DCC: variants seen among roughly 807,000 people sequenced by gnomAD.
DCC encodes DCC netrin 1 receptor, also known as netrin receptor DCC.
Under a neutral mutation model 172.5 loss-of-function variants are expected in DCC, and 58 were observed. The observed-to-expected ratio is 0.34, with a 90% CI of 0.27 to 0.42. The LOEUF (loss-of-function observed/expected upper bound fraction) is 0.42, where lower values mean the gene tolerates loss of function less well. Ranked by LOEUF, DCC falls within the 10% of genes least tolerant of loss-of-function variation. The pLI is 1.00. For synonymous variants in DCC, 709 were observed against 644.5 expected (o/e 1.10, Z -1.52); for missense variants, 1,740 against 1,791.0 (o/e 0.97, Z 0.51).
At position 52,739,813 on chromosome 18, in the gene DCC, C is replaced by A. The variant is rs961828501; in HGVS notation, c.92-12241C>A. Among the ~76,000 whole-genome samples, 26 of 152,226 alleles carry A rather than the reference C, an allele frequency of 1.7e-4. 1 individual carries two copies. Among genetic ancestry groups the A allele is most frequent in the African/African-American group, 6.0e-4 (25 of 41,534 alleles). On this transcript the variant is annotated intron_variant, in intron 1 of 28. Coordinates refer to ENST00000442544, the MANE Select transcript of DCC (RefSeq NM_005215.4). ...GAGCTTTCTTTTGCAATTGAGAATA[C>A]CTTCTTTTTTCATATACATTATAAA...
intron 15 of DCC, among the ~76,000 whole-genome samples, chr18:53,352,556 A>C (rs1294687652): frequency 6.6e-6 from 1 of 152,144 alleles, no homozygotes; most frequent in Non-Finnish European, 1.5e-5. Flanking sequence ...AGCATTATAC[A>C]TATCATGCTA....
chr18:53,252,675 C>A (rs1241947756), intron 12 of DCC, among the ~76,000 whole-genome samples: 1 of 151,822 alleles, frequency 6.6e-6, no homozygotes, highest in Non-Finnish European at 1.5e-5. Flanking sequence ...AAGGGCTGTT[C>A]AAGATTAAGG....
intron 2 of DCC, among the ~76,000 whole-genome samples, chr18:52,902,084 C>A (rs903719900): frequency 6.6e-6 from 1 of 152,024 alleles, no homozygotes. Flanking sequence ...AGAGGAAGTT[C>A]CATAAGAAAT....
rs149679110 is a variant in DCC at position 53,039,849 on chromosome 18, A to G, written c.986-23456A>G. Among the ~76,000 whole-genome samples, 14 of 152,086 alleles carry G rather than the reference A, an allele frequency of 9.2e-5. No individual in the cohort carries two copies. The East Asian group carries it at 2.7e-3, about 30-fold the overall frequency. On this transcript the variant is annotated intron_variant, in intron 5 of 28. Coordinates refer to ENST00000442544, the MANE Select transcript of DCC (RefSeq NM_005215.4). ...TTCCTCTTCTGTAATAGCAATGATC[A>G]CACCATATAGGTATTAAAAATATGT... is the stretch of plus-strand genomic sequence containing the variant.
chr18:52,959,216 G>A (rs1406879756), intron 5 of DCC, among the ~76,000 whole-genome samples: 2 of 152,118 alleles, frequency 1.3e-5, no homozygotes, highest in Non-Finnish European at 2.9e-5. Flanking sequence ...TAAAAACAGA[G>A]TTTTAAATGA....
chr18:52,358,692 A>G (rs1321526408), intron 1 of DCC, among the ~76,000 whole-genome samples: 2 of 152,152 alleles, frequency 1.3e-5, no homozygotes, highest in Non-Finnish European at 2.9e-5. Flanking sequence ...GCATCCTGCA[A>G]TGCTTTCCTT....
chr18:53,443,764 A>T (rs1055159513), intron 22 of DCC, among the ~76,000 whole-genome samples: 1 of 152,262 alleles, frequency 6.6e-6, no homozygotes, highest in Non-Finnish European at 1.5e-5. Context: ...TAACACTAAC[A>T]GAAGTTTGGA....
At chr18:52,815,765 A>G (rs898081712) in intron 2 of DCC, among the ~76,000 whole-genome samples, 2 of 152,258 alleles carry the variant, frequency 1.3e-5, no homozygotes, top group Admixed American at 6.5e-5. Flanking sequence ...ATGATTTATT[A>G]GATAACTATG....
intron 2 of DCC, among the ~76,000 whole-genome samples, chr18:52,872,545 G>A (rs912797128): frequency 1.3e-5 from 2 of 152,142 alleles, no homozygotes; most frequent in Non-Finnish European, 2.9e-5. Flanking sequence ...ATTTTGGGGT[G>A]AAATATTTTT....
intron 2 of DCC, among the ~76,000 whole-genome samples, chr18:52,852,611 CACTT>C (rs893600173): frequency 3.4e-5 from 5 of 149,196 alleles, no homozygotes; most frequent in African/African-American, 1.3e-4. Context: ...GTTAAATAGA[CACTT>C]ACCAAGTGTC....
chr18:52,780,900 A>G (rs9807286), intron 2 of DCC, among the ~76,000 whole-genome samples: 8,887 of 152,204 alleles, frequency 0.058, 366 homozygotes, highest in Non-Finnish European at 0.084. Flanking sequence ...TAGGTGGTGA[A>G]AAGATTGGGA....
intron 1 of DCC, among the ~76,000 whole-genome samples, chr18:52,656,004 A>AT (rs1568277582): frequency 3.0e-5 from 3 of 99,954 alleles, no homozygotes; most frequent in Non-Finnish European, 6.3e-5. Flanking sequence ...ATATGTGCGT[A>AT]TATATATATG....
chr18:53,182,572 C>T (rs905560564), intron 9 of DCC, among the ~76,000 whole-genome samples: 2 of 152,050 alleles, frequency 1.3e-5, no homozygotes, highest in African/African-American at 2.4e-5. Context: ...ACTCACTTGC[C>T]GTCTTTCTTA....
At chr18:53,514,251 A>G (rs1206470735) in intron 27 of DCC, among the ~76,000 whole-genome samples, 1 of 152,166 alleles carries the variant, frequency 6.6e-6, no homozygotes, top group Non-Finnish European at 1.5e-5. Flanking sequence ...CTTTGAAACC[A>G]ACGAGAACAA....
At chr18:52,851,795 G>T (rs953195872) in intron 2 of DCC, among the ~76,000 whole-genome samples, 5 of 152,144 alleles carry the variant, frequency 3.3e-5, no homozygotes, top group East Asian at 3.9e-4. Context: ...GCTGGATATT[G>T]AAAGAAATGT....
intron 8 of DCC, among the ~76,000 whole-genome samples, chr18:53,164,040 A>G (rs2054881278): frequency 6.6e-6 from 1 of 152,212 alleles, no homozygotes; most frequent in South Asian, 2.1e-4. Flanking sequence ...CGTGCAGACC[A>G]TAGTCCAAAG....
At chr18:52,683,164 G>A (rs939262774) in intron 1 of DCC, among the ~76,000 whole-genome samples, 8 of 152,056 alleles carry the variant, frequency 5.3e-5, no homozygotes, top group Non-Finnish European at 1.2e-4. Context: ...ATGATTGCAA[G>A]TCTTTGTCTG....
chr18:53,405,928 C>T (rs1909626504), intron 19 of DCC, among the ~76,000 whole-genome samples: 1 of 152,106 alleles, frequency 6.6e-6, no homozygotes, highest in African/African-American at 2.4e-5. Context: ...CTATGTTTTG[C>T]TCCAATTTAT....
intron 1 of DCC, among the ~76,000 whole-genome samples, chr18:52,473,965 A>C (rs528565860): frequency 6.6e-6 from 1 of 152,182 alleles, no homozygotes; most frequent in South Asian, 2.1e-4. Flanking sequence ...GTGACCCTGA[A>C]CTGCACTTAT....
Sources: allele counts gnomAD v4.1 joint callset (sites outside exome capture counted in the v4.1 genomes callset), GRCh38; gene constraint gnomAD v4.1.1; transcripts MANE v1.5; gene names NCBI Gene and HGNC (gene_info 2026-07-23, HGNC 2026-07-21).